The following FOXN3 variants were observed in gnomAD, a reference collection of about 807,000 sequenced individuals.
FOXN3 encodes the protein forkhead box protein N3.
FOXN3 carries 7 observed loss-of-function variants against 38.4 expected under a neutral mutation model. The observed-to-expected ratio is 0.18, with a 90% confidence interval of 0.10 to 0.34. FOXN3 has a LOEUF of 0.34. Among genes scored for constraint, FOXN3 ranks in the 10% least tolerant of loss-of-function variants. The probability of loss-of-function intolerance (pLI) is 1.00; values close to 1 mark genes in which losing one functional copy is unlikely to be tolerated. For synonymous variants in FOXN3, 230 were observed against 242.2 expected (o/e 0.95, Z 0.47); for missense variants, 456 against 613.4 (o/e 0.74, Z 2.71).
At chr14:89,198,342 T>C (rs1888150949) in intron 4 of FOXN3, among the ~76,000 whole-genome samples, 1 of 152,188 alleles carries the variant, frequency 6.6e-6, no homozygotes, top group African/African-American at 2.4e-5. Flanking sequence ...CTACACTGTT[T>C]TATATCAGGG....
chr14:89,396,344 G>A (rs7150132), intron 2 of FOXN3, among the ~76,000 whole-genome samples: 1 of 152,238 alleles, frequency 6.6e-6, no homozygotes, highest in Non-Finnish European at 1.5e-5. Context: ...AGAGAAAAGA[G>A]CATCAGGCCA....
chr14:89,596,034 C>A (rs1353382304), intron 1 of FOXN3, among the ~76,000 whole-genome samples: 1 of 152,132 alleles, frequency 6.6e-6, no homozygotes, highest in Non-Finnish European at 1.5e-5. Context: ...ACTAACCTTG[C>A]ATTTCTAGAA....
chr14:89,485,828 G>A (rs1294736285), intron 1 of FOXN3, among the ~76,000 whole-genome samples: 1 of 152,146 alleles, frequency 6.6e-6, no homozygotes, highest in African/African-American at 2.4e-5. Flanking sequence ...CTCACTGCCT[G>A]GGCTCATGGT....
At chr14:89,493,715 C>T (rs1179259941) in intron 1 of FOXN3, among the ~76,000 whole-genome samples, 1 of 152,148 alleles carries the variant, frequency 6.6e-6, no homozygotes, top group Non-Finnish European at 1.5e-5. Context: ...GATATAAAAG[C>T]AATTTCTACA....
At chr14:89,478,313 A>G (rs1893253322) in intron 1 of FOXN3, among the ~76,000 whole-genome samples, 1 of 152,108 alleles carries the variant, frequency 6.6e-6, no homozygotes, top group South Asian at 2.1e-4. Flanking sequence ...CCATGAACCA[A>G]TTCAATCTCT....
At chr14:89,295,078 C>T (rs1050184413) in intron 3 of FOXN3, among the ~76,000 whole-genome samples, 2 of 152,154 alleles carry the variant, frequency 1.3e-5, no homozygotes, top group African/African-American at 4.8e-5. Context: ...GTCCTTCCTG[C>T]TTTCAATATG....
intron 1 of FOXN3, among the ~76,000 whole-genome samples, chr14:89,562,929 G>A (rs966518225): frequency 2.0e-5 from 3 of 152,178 alleles, no homozygotes; most frequent in Non-Finnish European, 4.4e-5. Flanking sequence ...GAACCTCCAG[G>A]TTAAAGAGTG....
chr14:89,163,725 C>T lies in FOXN3; in HGVS notation c.852-756G>A, dbSNP rs1054150200. On this transcript the variant is annotated intron_variant, in intron 5 of 5. Coordinates refer to ENST00000557258, the MANE Select transcript of FOXN3 (RefSeq NM_005197.4). The surrounding 1 kb of genome is among the most constrained non-coding windows in gnomAD (Gnocchi z 4.3). ...CTGTGCAGAGGACCATGTTTAACTC[C>T]GTAAGGTGGATATTAGCATCCTTAT... is the stretch of plus-strand genomic sequence containing the variant. Among the ~76,000 whole-genome samples, 15 of 152,288 alleles carry T rather than the reference C, an allele frequency of 9.8e-5. No individual in the cohort carries two copies. Among genetic ancestry groups the T allele is most frequent in the South Asian group, 8.3e-4 (4 of 4,814 alleles).
Position 89,610,959 on chromosome 14 carries a change from C to A in FOXN3, c.-15+8069G>T, listed in dbSNP as rs367850658. Among the ~76,000 whole-genome samples, 5 of 152,332 alleles carry A rather than the reference C, an allele frequency of 3.3e-5. No homozygotes were observed. In the East Asian group the frequency reaches 7.7e-4, roughly 23 times the overall value. On this transcript the variant is annotated intron_variant, in intron 1 of 6. Transcript: ENST00000345097. ...AGTTCCATCAAGTTCTGATCATTCA[C>A]CTGAACTCTTTAAGAGAATTAGAAA...
chr14:89,602,787 C>T (rs1448712392), intron 1 of FOXN3, among the ~76,000 whole-genome samples: 1 of 152,102 alleles, frequency 6.6e-6, no homozygotes, highest in African/African-American at 2.4e-5. Flanking sequence ...TGAGCCACTG[C>T]GCCTGGCAGG....
intron 1 of FOXN3, among the ~76,000 whole-genome samples, chr14:89,497,241 C>T (rs181216680): frequency 6.9e-4 from 105 of 152,254 alleles, no homozygotes; most frequent in Non-Finnish European, 1.1e-3. Flanking sequence ...AGGCGTGAGC[C>T]ACCATGCCCA....
chr14:89,366,884 T>C lies in FOXN3; in HGVS notation c.544-16076A>G, dbSNP rs73325192. On this transcript the variant is annotated intron_variant, in intron 2 of 5. Transcript: ENST00000557258. The stretch of plus-strand genomic sequence containing the variant: ...CTACTGCCACTTTATCTTCTGGTTG[T>C]CCGTAGTTACTCATCTATTTTTAAA... Among the ~76,000 whole-genome samples, 1,490 of 152,270 alleles carry C rather than the reference T, an allele frequency of 9.8e-3. 20 individuals carry two copies. Among genetic ancestry groups the C allele is most frequent in the African/African-American group, 0.034 (1,420 of 41,536 alleles).
chr14:89,443,736 G>A (rs368343101), intron 1 of FOXN3, among the ~76,000 whole-genome samples: 2 of 152,160 alleles, frequency 1.3e-5, no homozygotes, highest in Admixed American at 1.3e-4. Flanking sequence ...GGGGCCGGGC[G>A]CAGTGGCTCA....
intron 4 of FOXN3, among the ~76,000 whole-genome samples, chr14:89,194,675 T>A (rs1170739594): frequency 6.6e-6 from 1 of 151,364 alleles, no homozygotes; most frequent in Non-Finnish European, 1.5e-5. Context: ...CTTAAGTTTT[T>A]CCCTTTTTAT....
chr14:89,352,466 C>A (rs891155190), intron 2 of FOXN3, among the ~76,000 whole-genome samples: 1 of 152,092 alleles, frequency 6.6e-6, no homozygotes, highest in Admixed American at 6.6e-5. Context: ...CAGGTAACTA[C>A]CAAATTTGGA....
At chr14:89,311,084 C>G (rs1036839500) in intron 3 of FOXN3, among the ~76,000 whole-genome samples, 3 of 132,188 alleles carry the variant, frequency 2.3e-5, no homozygotes, top group Non-Finnish European at 4.7e-5. Flanking sequence ...CCAGCCTGGG[C>G]AACAATCGCG....
chr14:89,596,799 T>C (rs770706863), intron 1 of FOXN3, among the ~76,000 whole-genome samples: 1 of 152,216 alleles, frequency 6.6e-6, no homozygotes, highest in Non-Finnish European at 1.5e-5. Flanking sequence ...GTCAAATATA[T>C]TGCCATAAAG....
At chr14:89,169,131 A>G (rs1887319484) in intron 5 of FOXN3, among the ~76,000 whole-genome samples, 2 of 152,168 alleles carry the variant, frequency 1.3e-5, no homozygotes, top group African/African-American at 4.8e-5. Context: ...CTGAGATGTA[A>G]GCAGAAATGA....
At chr14:89,604,889 A>G (rs1473508446) in intron 1 of FOXN3, among the ~76,000 whole-genome samples, 1 of 152,242 alleles carries the variant, frequency 6.6e-6, no homozygotes, top group East Asian at 1.9e-4. Context: ...CATCTTTAAT[A>G]TGCTGAGAGA....
Sources: gnomAD v4.1 joint callset for allele counts (sites outside exome capture counted in the v4.1 genomes callset) on GRCh38, gnomAD v4.1.1 for gene constraint, Gnocchi (gnomAD v3.1) non-coding constraint, MANE v1.5 for transcripts, NCBI Gene and HGNC (gene_info 2026-07-23, HGNC 2026-07-21) for gene names.